The following THSD4 variants were observed in gnomAD, a reference collection of about 807,000 sequenced individuals.
THSD4 encodes thrombospondin type 1 domain containing 4.
THSD4 carries 69 observed loss-of-function variants against 119.0 expected under a neutral mutation model. That is an observed-to-expected ratio of 0.58 (90% CI 0.48 to 0.71). THSD4 has a LOEUF of 0.71. THSD4 is among the 30% of genes least tolerant of loss of function. The probability of loss-of-function intolerance (pLI) is 0.00; values close to 1 mark genes in which losing one functional copy is unlikely to be tolerated. For synonymous variants in THSD4, 524 were observed against 540.4 expected (o/e 0.97, Z 0.42); for missense variants, 1,393 against 1,391.1 (o/e 1.00, Z -0.02).
At chr15:71,464,254 C>T (rs966084229) in intron 7 of THSD4, among the ~76,000 whole-genome samples, 1 of 152,224 alleles carries the variant, frequency 6.6e-6, no homozygotes, top group Admixed American at 6.5e-5. Context: ...TCCCTCTCCA[C>T]CCCAGAACCT....
At chr15:71,234,022 C>T (rs1294844489) in intron 4 of THSD4, among the ~76,000 whole-genome samples, 1 of 152,194 alleles carries the variant, frequency 6.6e-6, no homozygotes, top group Non-Finnish European at 1.5e-5. Flanking sequence ...TCCACCCTTG[C>T]TGTGGCTGCT....
At chr15:71,627,162 G>A (rs1367445667) in intron 7 of THSD4, among the ~76,000 whole-genome samples, 1 of 152,142 alleles carries the variant, frequency 6.6e-6, no homozygotes, top group South Asian at 2.1e-4. Flanking sequence ...CCCATTGCTG[G>A]GCAGAGGACT....
intron 6 of THSD4, among the ~76,000 whole-genome samples, chr15:71,299,585 G>C (rs1167865210): frequency 6.6e-6 from 1 of 152,092 alleles, no homozygotes; most frequent in Non-Finnish European, 1.5e-5. Context: ...TAGTCAAAGG[G>C]TACAAAGTTT....
intron 10 of THSD4, 197 bp downstream of exon 10, chr15:71,731,414 C>G: frequency 1.7e-6 from 1 of 577,402 alleles, no homozygotes; most frequent in Non-Finnish European, 3.1e-6. Flanking sequence ...GAGACTGTTT[C>G]ATTCACTCGA....
upstream of THSD4, among the ~76,000 whole-genome samples, chr15:71,112,565 C>T (rs1056651353): frequency 6.6e-6 from 1 of 152,198 alleles, no homozygotes; most frequent in Non-Finnish European, 1.5e-5. Flanking sequence ...TAGCTCACCA[C>T]ATCAGATATG....
chr15:71,738,968 T>C (rs1221099202), intron 11 of THSD4, among the ~76,000 whole-genome samples: 1 of 152,100 alleles, frequency 6.6e-6, no homozygotes, highest in East Asian at 1.9e-4. Flanking sequence ...AGGCCTGCTG[T>C]GCACATATAT....
chr15:71,160,821 A>T (rs2043243368), intron 3 of THSD4, among the ~76,000 whole-genome samples: 2 of 138,716 alleles, frequency 1.4e-5, no homozygotes, highest in Non-Finnish European at 1.6e-5. Flanking sequence ...GAGCTTTATT[A>T]TTTCCTTCCT....
At position 71,627,176 on chromosome 15, in the gene THSD4, A is replaced by G. The variant is rs568245516; in HGVS notation, c.1153-33354A>G. Reference sequence around the variant, plus strand: ...TCCCATTGCTGGGCAGAGGACTGTCAGAATAGATGTCTGTGTGAAGGGGAG... The same window carrying G: ...TCCCATTGCTGGGCAGAGGACTGTCGGAATAGATGTCTGTGTGAAGGGGAG... On this transcript the variant is annotated intron_variant, in intron 7 of 17. Coordinates refer to ENST00000261862, the MANE Select transcript of THSD4 (RefSeq NM_024817.3). Among the ~76,000 whole-genome samples, 3 of 152,342 alleles carry G rather than the reference A, an allele frequency of 2.0e-5. No homozygotes were observed. The East Asian group carries it at 5.8e-4, about 29-fold the overall frequency.
intron 7 of THSD4, among the ~76,000 whole-genome samples, chr15:71,595,590 C>T (rs1478320131): frequency 7.6e-6 from 1 of 131,914 alleles, no homozygotes; most frequent in Admixed American, 8.3e-5. Flanking sequence ...TTAAAATGAA[C>T]TAATACACAA....
At chr15:71,283,052 C>G (rs1167358632) in intron 6 of THSD4, among the ~76,000 whole-genome samples, 1 of 151,494 alleles carries the variant, frequency 6.6e-6, no homozygotes, top group Non-Finnish European at 1.5e-5. Context: ...TCACTGCAGC[C>G]TCCACCTCCC....
rs919940069 is a variant in THSD4, at chr15:71,192,572, G to C, written c.100-22463G>C. On this transcript the variant is annotated intron_variant, in intron 3 of 17. Transcript: ENST00000261862. ...TGGGATTACAGGTGTGAACCACCGCGCTTGGCTCCTTTGGTGAATTTTGAA... is the reference window on the plus strand; with the variant it reads ...TGGGATTACAGGTGTGAACCACCGCCCTTGGCTCCTTTGGTGAATTTTGAA... Among the ~76,000 whole-genome samples the C allele has an allele frequency of 2.6e-5, 4 of 152,258 alleles. No individual in the cohort carries two copies. In the East Asian group the frequency reaches 7.7e-4, roughly 29 times the overall value.
intron 1 of THSD4, among the ~76,000 whole-genome samples, chr15:71,128,792 G>A (rs1748904391): frequency 6.6e-6 from 1 of 152,150 alleles, no homozygotes; most frequent in African/African-American, 2.4e-5. Flanking sequence ...AGTGTTTCTG[G>A]TTTTAACATG....
chr15:71,112,659 C>G (rs963082865), upstream of THSD4, among the ~76,000 whole-genome samples: 7 of 152,198 alleles, frequency 4.6e-5, no homozygotes, highest in Non-Finnish European at 1.0e-4. Context: ...TAAGCACAGG[C>G]TAGCCTTTGA....
intron 6 of THSD4, among the ~76,000 whole-genome samples, chr15:71,391,369 G>A (rs1315164172): frequency 6.6e-6 from 1 of 152,118 alleles, no homozygotes; most frequent in Non-Finnish European, 1.5e-5. Context: ...TGTAGAGACA[G>A]GGTCTTGCTA....
intron 6 of THSD4, among the ~76,000 whole-genome samples, chr15:71,350,100 A>C (rs1391965786): frequency 6.6e-6 from 1 of 151,432 alleles, no homozygotes; most frequent in Admixed American, 6.6e-5. Flanking sequence ...CTGGGGAGAT[A>C]GATTTCCAGC....
intron 6 of THSD4, chr15:71,341,600 C>T (rs749713465): frequency 3.8e-6 from 6 of 1,591,168 alleles, no homozygotes. Context: ...TATATGCATA[C>T]CCTTGATGGC....
intron 8 of THSD4, among the ~76,000 whole-genome samples, chr15:71,683,732 T>C (rs1356763175): frequency 6.6e-6 from 1 of 152,154 alleles, no homozygotes; most frequent in Non-Finnish European, 1.5e-5. Flanking sequence ...CCCAGCACTT[T>C]GGGAGGCCGA....
At chr15:71,113,170 C>CT (rs2040320309), upstream of THSD4, among the ~76,000 whole-genome samples, 1 of 152,146 alleles carries the variant, frequency 6.6e-6, no homozygotes, top group African/African-American at 2.4e-5. Context: ...GCCTGGGTGA[C>CT]AGAGCAAGAC....
chr15:71,666,463 C>T (rs2051419191), intron 8 of THSD4, among the ~76,000 whole-genome samples: 1 of 152,028 alleles, frequency 6.6e-6, no homozygotes, highest in Non-Finnish European at 1.5e-5. Context: ...TGATCTTCTC[C>T]CTCCTCCCAC....
Sources: gnomAD v4.1 joint callset for allele counts (sites outside exome capture counted in the v4.1 genomes callset) on GRCh38, gnomAD v4.1.1 for gene constraint, MANE v1.5 for transcripts, NCBI Gene and HGNC (gene_info 2026-07-23, HGNC 2026-07-21) for gene names.